Variants in PDZD2 observed in about 807,000 individuals in gnomAD.
PDZD2 encodes the protein PDZ domain-containing protein 2.
A neutral mutation model predicts 220.7 loss-of-function variants in PDZD2; 90 were observed. The observed-to-expected ratio is 0.41, with a 90% CI of 0.34 to 0.49. PDZD2 has a LOEUF of 0.49. Among genes scored for constraint, PDZD2 ranks in the 20% least tolerant of loss-of-function variants. The pLI, the probability that PDZD2 is intolerant of heterozygous loss-of-function variation, is 0.28. For synonymous variants in PDZD2, 1,375 were observed against 1,450.5 expected, an observed-to-expected ratio of 0.95 and a Z score of 1.18; for missense variants, 3,174 against 3,608.5, an observed-to-expected ratio of 0.88 and a Z score of 3.08.
intron 1 of PDZD2, among the ~76,000 whole-genome samples, chr5:31,764,903 C>G (rs1477162269): frequency 6.6e-6 from 1 of 152,076 alleles, no homozygotes; most frequent in African/African-American, 2.4e-5. Context: ...ACGGAAAAAC[C>G]CTGTATCTAC....
chr5:31,961,897 G>C (rs1259046858), intron 2 of PDZD2, among the ~76,000 whole-genome samples: 1 of 150,024 alleles, frequency 6.7e-6, no homozygotes, highest in African/African-American at 2.4e-5. Flanking sequence ...ATTACAGGCA[G>C]GAACCACCAA....
At chr5:31,892,378 A>G (rs1287104039) in intron 2 of PDZD2, among the ~76,000 whole-genome samples, 13 of 152,202 alleles carry the variant, frequency 8.5e-5, no homozygotes, top group African/African-American at 3.1e-4. Flanking sequence ...TTTACTGTTT[A>G]CTGACAGGGT....
At chr5:31,712,471 TCTCTCTCTCTCC>T (rs879894302) in intron 1 of PDZD2, among the ~76,000 whole-genome samples, 17 of 132,552 alleles carry the variant, frequency 1.3e-4, no homozygotes, top group South Asian at 2.6e-4. Flanking sequence ...TCTCTCTCTC[TCTCTCTCTCTCC>T]CCCTCTCTCC....
At chr5:31,670,370 G>A (rs56084615) in intron 1 of PDZD2, among the ~76,000 whole-genome samples, 3,785 of 152,178 alleles carry the variant, frequency 0.025, 59 homozygotes, top group Admixed American at 0.037. Context: ...GCTAAACATT[G>A]GGGGTTCAGC....
At chr5:31,943,134 C>T (rs549597145) in intron 2 of PDZD2, among the ~76,000 whole-genome samples, 12 of 151,018 alleles carry the variant, frequency 7.9e-5, no homozygotes, top group African/African-American at 2.7e-4. Flanking sequence ...ACATGGGAGG[C>T]GGTGGTTGCA....
chr5:31,847,108 A>G (rs1211878895), intron 2 of PDZD2, among the ~76,000 whole-genome samples: 1 of 152,204 alleles, frequency 6.6e-6, no homozygotes, highest in Non-Finnish European at 1.5e-5. Flanking sequence ...AGTAGTTGAC[A>G]TTGGGGAAAT....
chr5:31,723,213 C>T (rs540960063), intron 1 of PDZD2, among the ~76,000 whole-genome samples: 6 of 152,266 alleles, frequency 3.9e-5, no homozygotes, highest in Non-Finnish European at 7.4e-5. Context: ...TCTTTACAGG[C>T]GAAGCCTAGA....
intron 2 of PDZD2, chr5:31,936,225 C>T (rs1485459484): frequency 1.0e-6 from 1 of 987,510 alleles, no homozygotes; most frequent in African/African-American, 1.7e-5. Context: ...AGTTAATAAC[C>T]CAGGACTTTA....
chr5:31,718,227 C>T (rs760499200), intron 1 of PDZD2, among the ~76,000 whole-genome samples: 1 of 152,146 alleles, frequency 6.6e-6, no homozygotes, highest in Non-Finnish European at 1.5e-5. Flanking sequence ...GAGGACAACC[C>T]TGTGTGTTTC....
In PDZD2 at chr5:31,639,595, C is replaced by T. The variant is rs1002677520; in HGVS notation, c.-361+158C>T. 1.1e-4 allele frequency among the ~76,000 whole-genome samples: 17 copies of T among 152,122 alleles called. No homozygotes were observed. Among genetic ancestry groups the T allele is most frequent in the Non-Finnish European group, 1.2e-4 (8 of 67,988 alleles). ...CTGGCAGGGCGGGGAGTGAGGACGC[C>T]GAACCGGGGTCCCACGTTGGGCGGC... is the stretch of plus-strand genomic sequence containing the variant. On this transcript the variant is annotated intron_variant, in intron 1 of 24. Coordinates refer to ENST00000438447, the MANE Select transcript of PDZD2 (RefSeq NM_178140.4). This position sits in a 1 kb window ranked among gnomAD's most constrained non-coding sequence, Gnocchi z 4.1.
intron 6 of PDZD2, among the ~76,000 whole-genome samples, 170 bp from the exon 7 acceptor site, chr5:32,037,061 G>A (rs374861289): frequency 5.9e-5 from 9 of 152,346 alleles, no homozygotes; most frequent in East Asian, 1.9e-4. Context: ...AATGCAAGGC[G>A]TTGCGAATGC....
intron 5 of PDZD2, among the ~76,000 whole-genome samples, chr5:32,002,818 ACCACACATACAT>A (rs1752313623): frequency 8.5e-6 from 1 of 117,988 alleles, no homozygotes. Flanking sequence ...ACCAACACAC[ACCACACATACAT>A]ACCAACACAC....
chr5:31,999,528 C>CA (rs544411737), intron 4 of PDZD2, among the ~76,000 whole-genome samples: 82 of 151,672 alleles, frequency 5.4e-4, no homozygotes, highest in Non-Finnish European at 1.1e-3. Context: ...CAAACACACA[C>CA]AAAAAAACAT....
intron 24 of PDZD2, among the ~76,000 whole-genome samples, chr5:32,105,721 C>A (rs1035469798): frequency 6.6e-6 from 1 of 152,118 alleles, no homozygotes; most frequent in Non-Finnish European, 1.5e-5. Flanking sequence ...CTATGCAAGA[C>A]CTTTTTGGGA....
chr5:31,667,004 AG>A, intron 1 of PDZD2, among the ~76,000 whole-genome samples: 1 of 152,138 alleles, frequency 6.6e-6, no homozygotes, highest in Non-Finnish European at 1.5e-5. Flanking sequence ...TGGGAGGCCG[AG>A]GTGGGCGGAT....
chr5:31,995,470 G>A, intron 3 of PDZD2, 106 bp from the exon 4 acceptor site: 2 of 1,153,716 alleles, frequency 1.7e-6, no homozygotes, highest in Non-Finnish European at 1.3e-6. Context: ...TGTGATATCT[G>A]TGGACAAGTG....
At chr5:31,987,381 A>G (rs1391982727) in intron 3 of PDZD2, among the ~76,000 whole-genome samples, 2 of 152,218 alleles carry the variant, frequency 1.3e-5, no homozygotes, top group African/African-American at 4.8e-5. Flanking sequence ...CAGAGACCTC[A>G]TGCAGGCTTC....
intron 1 of PDZD2, among the ~76,000 whole-genome samples, chr5:31,674,603 A>G (rs1437242442): frequency 6.6e-6 from 1 of 152,190 alleles, no homozygotes; most frequent in Non-Finnish European, 1.5e-5. Flanking sequence ...TGGTGGCTGT[A>G]GGAGGGGAGG....
At chr5:32,011,372 G>A (rs1209473691) in intron 6 of PDZD2, among the ~76,000 whole-genome samples, 1 of 151,624 alleles carries the variant, frequency 6.6e-6, no homozygotes, top group Non-Finnish European at 1.5e-5. Context: ...GGTGGGGCAT[G>A]CCTGTAGTCT....
Sources: gnomAD v4.1 joint callset for allele counts (sites outside exome capture counted in the v4.1 genomes callset) on GRCh38, gnomAD v4.1.1 for gene constraint, Gnocchi (gnomAD v3.1) non-coding constraint, MANE v1.5 for transcripts, NCBI Gene and HGNC (gene_info 2026-07-23, HGNC 2026-07-21) for gene names.